SLC9A9: variants seen among roughly 807,000 people sequenced by gnomAD.
SLC9A9 encodes solute carrier family 9 member A9.
In SLC9A9, 62 loss-of-function variants were observed where a neutral mutation model predicts 77.8. The observed-to-expected ratio is 0.80, with a 90% CI of 0.65 to 0.98. SLC9A9 has a LOEUF of 0.98. SLC9A9 is among the 50% of genes least tolerant of loss of function. SLC9A9 has a pLI of 0.00. For missense variants in SLC9A9, 775 were observed against 774.9 expected, an observed-to-expected ratio of 1.00 and a Z score of 0.00; for synonymous variants, 320 against 283.5, an observed-to-expected ratio of 1.13 and a Z score of -1.29.
intron 8 of SLC9A9, among the ~76,000 whole-genome samples, chr3:143,564,205 A>G (rs1433785778): frequency 6.6e-6 from 1 of 152,144 alleles, no homozygotes; most frequent in Non-Finnish European, 1.5e-5. Flanking sequence ...AGAGTATGTC[A>G]CCTACAGCCT....
At chr3:143,761,512 C>T (rs946759686) in intron 4 of SLC9A9, among the ~76,000 whole-genome samples, 26 of 152,036 alleles carry the variant, frequency 1.7e-4, no homozygotes, top group African/African-American at 6.3e-4. Flanking sequence ...AACAAACAAC[C>T]CCATCAAAAA....
At chr3:143,329,027 G>A (rs1159282209) in intron 14 of SLC9A9, among the ~76,000 whole-genome samples, 1 of 152,188 alleles carries the variant, frequency 6.6e-6, no homozygotes, top group African/African-American at 2.4e-5. Context: ...TTTGCAAGCA[G>A]TACTTGCTCT....
chr3:143,684,313 T>C (rs1933193076), intron 5 of SLC9A9, among the ~76,000 whole-genome samples: 1 of 152,078 alleles, frequency 6.6e-6, no homozygotes, highest in South Asian at 2.1e-4. Flanking sequence ...AGCACTTGTG[T>C]ATTTTGCCTT....
At chr3:143,537,345 G>A (rs1416160893) in intron 9 of SLC9A9, among the ~76,000 whole-genome samples, 1 of 152,204 alleles carries the variant, frequency 6.6e-6, no homozygotes, top group Non-Finnish European at 1.5e-5. Context: ...CAAGAGGAGG[G>A]AGCTGGGTGG....
At chr3:143,653,281 A>C (rs1002638441) in intron 5 of SLC9A9, among the ~76,000 whole-genome samples, 1 of 152,188 alleles carries the variant, frequency 6.6e-6, no homozygotes, top group Non-Finnish European at 1.5e-5. Flanking sequence ...TAGGGCAGTC[A>C]ATACTCACAC....
chr3:143,698,738 T>C (rs1459301061), intron 4 of SLC9A9, among the ~76,000 whole-genome samples: 2 of 152,164 alleles, frequency 1.3e-5, no homozygotes, highest in Non-Finnish European at 2.9e-5. Flanking sequence ...AAATTATGAA[T>C]AGATCACCCG....
chr3:143,478,265 C>G (rs2035515498), intron 11 of SLC9A9, among the ~76,000 whole-genome samples: 1 of 152,206 alleles, frequency 6.6e-6, no homozygotes, highest in Non-Finnish European at 1.5e-5. Flanking sequence ...GCATTTAAAA[C>G]AGCTTCAAGA....
intron 5 of SLC9A9, among the ~76,000 whole-genome samples, chr3:143,659,373 C>A (rs2038946143): frequency 6.6e-6 from 1 of 152,194 alleles, no homozygotes; most frequent in Admixed American, 6.5e-5. Flanking sequence ...CTGTGTTAGT[C>A]ATGATCATGG....
At chr3:143,710,477 C>A (rs1415289527) in intron 4 of SLC9A9, among the ~76,000 whole-genome samples, 1 of 152,186 alleles carries the variant, frequency 6.6e-6, no homozygotes, top group East Asian at 1.9e-4. Context: ...CCCCACAACC[C>A]ATGTGCTGCC....
intron 6 of SLC9A9, among the ~76,000 whole-genome samples, chr3:143,589,105 G>A (rs1411539249): frequency 6.6e-6 from 1 of 152,074 alleles, no homozygotes; most frequent in Non-Finnish European, 1.5e-5. Flanking sequence ...AGAGAAGGAG[G>A]TCAAATTCTC....
intron 14 of SLC9A9, among the ~76,000 whole-genome samples, chr3:143,359,378 A>G (rs893726721): frequency 1.3e-5 from 2 of 152,140 alleles, no homozygotes; most frequent in African/African-American, 4.8e-5. Context: ...GTGGTGGTTA[A>G]GCGTTATGGT....
At chr3:143,554,880 A>G (rs2036953197) in intron 8 of SLC9A9, among the ~76,000 whole-genome samples, 1 of 152,226 alleles carries the variant, frequency 6.6e-6, no homozygotes, top group Non-Finnish European at 1.5e-5. Flanking sequence ...TAGATGTTAC[A>G]TGAGCAGACA....
chr3:143,309,210 C>T (rs2030927085), intron 14 of SLC9A9, among the ~76,000 whole-genome samples: 1 of 152,090 alleles, frequency 6.6e-6, no homozygotes, highest in Admixed American at 6.5e-5. Context: ...GTAAACCCTC[C>T]TTACACATGA....
intron 2 of SLC9A9, among the ~76,000 whole-genome samples, chr3:143,826,257 T>C (rs74930234): frequency 3.6e-5 from 5 of 137,608 alleles, no homozygotes; most frequent in Non-Finnish European, 7.5e-5. Context: ...AGACTCTGTC[T>C]TGAAAAAAAA....
At chr3:143,324,490 C>T (rs1195028596) in intron 14 of SLC9A9, among the ~76,000 whole-genome samples, 1 of 152,168 alleles carries the variant, frequency 6.6e-6, no homozygotes, top group African/African-American at 2.4e-5. Flanking sequence ...ATGGAAAGCA[C>T]TCGAAGGCAG....
intron 12 of SLC9A9, 73 bp from the exon 13 acceptor site, chr3:143,382,187 C>A (rs2033321449): frequency 6.7e-7 from 1 of 1,488,178 alleles, no homozygotes; most frequent in Admixed American, 1.7e-5. Context: ...TGTCAGATGA[C>A]CTAACCCAAA....
chr3:143,645,551 G>T (rs547689907), intron 6 of SLC9A9, among the ~76,000 whole-genome samples: 2 of 152,150 alleles, frequency 1.3e-5, no homozygotes, highest in Non-Finnish European at 2.9e-5. Flanking sequence ...GATAGTTCAA[G>T]GTTCCCCTCA....
In SLC9A9 at chr3:143,832,216, T is replaced by C; in HGVS notation, c.181A>G (p.Ile61Val). 3 of 1,610,456 alleles carry C rather than the reference T, an allele frequency of 1.9e-6. No individual in the cohort carries two copies. Among genetic ancestry groups the C allele is most frequent in the Non-Finnish European group, 2.5e-6 (3 of 1,178,816 alleles). Residue 61 changes from isoleucine (I) to valine (V), a missense_variant, in exon 2 of 16, where the codon ATA (isoleucine) becomes GTA (valine). Physicochemically the swap from Ile to Val is conservative, Grantham distance 29. Transcript: ENST00000316549. The part of the protein sequence containing the change: ...ETGGAMVYGL[I>V]MGLILRYATA... ...GCATATCGTAAAATTAGTCCCATTA[T>C]AAGGCCTAAAAAAAAAAGAATAAAT...
chr3:143,532,440 T>C (rs1458826395), intron 9 of SLC9A9, among the ~76,000 whole-genome samples: 1 of 152,218 alleles, frequency 6.6e-6, no homozygotes, highest in East Asian at 1.9e-4. Flanking sequence ...CTACCAATTA[T>C]AGTATAATCA....
Sources: gnomAD v4.1 joint callset for allele counts (sites outside exome capture counted in the v4.1 genomes callset) on GRCh38, gnomAD v4.1.1 for gene constraint, MANE v1.5 for transcripts, NCBI Gene and HGNC (gene_info 2026-07-23, HGNC 2026-07-21) for gene names.